SHANK2: variants seen among roughly 807,000 people sequenced by gnomAD.
SHANK2 encodes the protein SH3 and multiple ankyrin repeat domains 2.
A neutral mutation model predicts 133.7 loss-of-function variants in SHANK2; 43 were observed. The ratio of observed to expected loss-of-function variants is 0.32; its 90% CI spans 0.25 to 0.41. The LOEUF is 0.41. Among genes scored for constraint, SHANK2 ranks in the 10% least tolerant of loss-of-function variants. SHANK2 has a pLI of 1.00. For synonymous variants in SHANK2, 1,017 were observed against 952.8 expected (o/e 1.07, Z -1.24); for missense variants, 1,994 against 2,235.8 (o/e 0.89, Z 2.18).
At chr11:70,493,183 G>GTT (rs1196252410) in intron 21 of SHANK2, among the ~76,000 whole-genome samples, 2 of 138,872 alleles carry the variant, frequency 1.4e-5, no homozygotes, top group Non-Finnish European at 1.6e-5. Flanking sequence ...GTTTGTTTTT[G>GTT]TTTTTTTTTT....
chr11:70,545,467 C>G (rs921529019), intron 17 of SHANK2, among the ~76,000 whole-genome samples: 1 of 152,080 alleles, frequency 6.6e-6, no homozygotes, highest in Admixed American at 6.5e-5. Flanking sequence ...GGATGGCGCC[C>G]ACCTCAGCGC....
intron 2 of SHANK2, among the ~76,000 whole-genome samples, chr11:71,199,037 G>C (rs868942235): frequency 2.0e-5 from 3 of 152,206 alleles, no homozygotes; most frequent in Admixed American, 6.5e-5. Flanking sequence ...CAATGATGTG[G>C]CCCGGAGCCC....
At chr11:70,840,761 G>A (rs1200230814) in intron 11 of SHANK2, among the ~76,000 whole-genome samples, 1 of 152,190 alleles carries the variant, frequency 6.6e-6, no homozygotes, top group African/African-American at 2.4e-5. Context: ...TGCAGACTCA[G>A]GATCTCCCTC....
intron 17 of SHANK2, among the ~76,000 whole-genome samples, chr11:70,505,712 G>T (rs1475447349): frequency 1.3e-5 from 2 of 152,156 alleles, no homozygotes; most frequent in African/African-American, 4.8e-5. Flanking sequence ...GACTGGCACG[G>T]GGATGGGCTG....
At chr11:70,812,588 C>G (rs145141600) in intron 12 of SHANK2, among the ~76,000 whole-genome samples, 1 of 152,160 alleles carries the variant, frequency 6.6e-6, no homozygotes, top group East Asian at 1.9e-4. Context: ...GTGTCTTATC[C>G]TTGTGATGTC....
In SHANK2 at chr11:70,896,531, A is replaced by T. The variant is rs1555075726; in HGVS notation, c.1144T>A (p.Tyr382Asn). 1.4e-6 allele frequency: 1 copy of T among 719,012 alleles called. No homozygotes were observed. The highest frequency in any genetic ancestry group is 2.6e-6 in the Non-Finnish European group (1 of 385,058). The allele number at this position is 719,012 out of a possible 1,614,324, so 44.5% of individuals were successfully genotyped here. ...IIAGNFELAEYIKNHKETDIV... is the reference protein window; with the variant it reads ...IIAGNFELAENIKNHKETDIV... ...TCTGTTTCCTTGTGGTTCTTGATGT[A>T]TTCTGCCAGCTCAAAGTTGCCTGCT... The change falls in exon 11 of 26, where the codon TAC becomes AAC. Residue 382 changes from tyrosine to asparagine, a missense_variant. By Grantham distance (143) the Tyr-to-Asn change is moderately radical. Transcript: ENST00000601538.
chr11:70,613,980 G>C (rs1239919459), intron 17 of SHANK2, among the ~76,000 whole-genome samples: 9 of 152,058 alleles, frequency 5.9e-5, no homozygotes, highest in Admixed American at 5.9e-4. Context: ...GGCCAAGCTA[G>C]TCTCCAACTC....
chr11:70,845,024 C>T (rs1272055405), intron 11 of SHANK2, among the ~76,000 whole-genome samples: 1 of 151,772 alleles, frequency 6.6e-6, no homozygotes, highest in East Asian at 1.9e-4. Context: ...GATGCTGAAA[C>T]CCCGTCTCTA....
At position 70,468,994 on chromosome 11, in the gene SHANK2, G is replaced by A. The variant is rs2058565763; in HGVS notation, c.*3875C>T. 1 of 152,222 alleles carries A rather than the reference G, an allele frequency of 6.6e-6. No individual in the cohort carries two copies. The highest frequency in any genetic ancestry group is 2.1e-4 in the South Asian group (1 of 4,830). 9.4% of individuals were successfully genotyped at this position (152,222 alleles called of 1,614,324 possible). On this transcript the variant is annotated 3_prime_UTR_variant, in exon 26 of 26. Transcript: ENST00000601538. ...TGTGGTTTGCTTGTCAACCAGAGAG[G>A]CGGCCCAGTTCTGCCACTCCCTTGG...
intron 22 of SHANK2, among the ~76,000 whole-genome samples, chr11:70,492,054 A>G (rs2058893693): frequency 6.6e-6 from 1 of 152,104 alleles, no homozygotes; most frequent in Non-Finnish European, 1.5e-5. Context: ...CCTTACTTCC[A>G]TGTGCTCACG....
chr11:71,172,002 C>T (rs1024296493), intron 2 of SHANK2, among the ~76,000 whole-genome samples: 4 of 152,184 alleles, frequency 2.6e-5, no homozygotes, highest in African/African-American at 9.6e-5. Flanking sequence ...CTTGGGGCAG[C>T]AGCAGTAGGG....
chr11:70,944,016 G>T, intron 10 of SHANK2: 3 of 455,376 alleles, frequency 6.6e-6, no homozygotes, highest in South Asian at 4.7e-5. Flanking sequence ...AGGCCCACTT[G>T]GTTCAATCAT....
At chr11:71,127,934 C>T (rs1952222083) in intron 3 of SHANK2, among the ~76,000 whole-genome samples, 1 of 152,224 alleles carries the variant, frequency 6.6e-6, no homozygotes, top group Non-Finnish European at 1.5e-5. Context: ...ACCCCGCGCC[C>T]CAGCCTCTGG....
chr11:70,655,701 G>A (rs1298563569), intron 17 of SHANK2, among the ~76,000 whole-genome samples: 1 of 152,148 alleles, frequency 6.6e-6, no homozygotes, highest in Non-Finnish European at 1.5e-5. Context: ...TCAAACAAGG[G>A]GTTTGTGGAA....
At chr11:70,504,382 A>ATAC (rs1554967919) in intron 17 of SHANK2, among the ~76,000 whole-genome samples, 15 of 127,482 alleles carry the variant, frequency 1.2e-4, no homozygotes, top group East Asian at 4.1e-4. Context: ...CAGGCCCAGG[A>ATAC]TGTGCCAGTT....
At chr11:71,085,683 T>A (rs1406260874) in intron 8 of SHANK2, among the ~76,000 whole-genome samples, 1 of 65,602 alleles carries the variant, frequency 1.5e-5, no homozygotes, top group Non-Finnish European at 2.7e-5. Context: ...ATATATATAA[T>A]ATAATATATA....
At chr11:70,515,161 C>T (rs1554969772) in intron 17 of SHANK2, among the ~76,000 whole-genome samples, 1 of 152,178 alleles carries the variant, frequency 6.6e-6, no homozygotes, top group Non-Finnish European at 1.5e-5. Context: ...CCACCTCAGC[C>T]TCCCAAGTAG....
chr11:70,787,843 G>C (rs782167438), intron 14 of SHANK2, among the ~76,000 whole-genome samples: 4 of 152,172 alleles, frequency 2.6e-5, no homozygotes, highest in African/African-American at 4.8e-5. Flanking sequence ...TCTATGTTTA[G>C]GTCCTGGGCC....
chr11:71,066,044 G>GT (rs1590879319), intron 9 of SHANK2, among the ~76,000 whole-genome samples: 3 of 97,770 alleles, frequency 3.1e-5, no homozygotes, highest in Non-Finnish European at 6.7e-5. Context: ...GTTGGGGGAG[G>GT]GTACAGAACT....
Sources: allele counts gnomAD v4.1 joint callset (sites outside exome capture counted in the v4.1 genomes callset), GRCh38; gene constraint gnomAD v4.1.1; transcripts MANE v1.5; gene names NCBI Gene and HGNC (gene_info 2026-07-23, HGNC 2026-07-21).